DOCK3: variants seen among roughly 807,000 people sequenced by gnomAD.
DOCK3 encodes dedicator of cytokinesis 3.
Under a neutral mutation model 265.6 loss-of-function variants are expected in DOCK3, and 60 were observed. The observed-to-expected ratio is 0.23, with a 90% CI of 0.18 to 0.28. DOCK3 has a LOEUF of 0.28. Among genes scored for constraint, DOCK3 ranks in the 10% least tolerant of loss-of-function variants. The probability of loss-of-function intolerance (pLI) is 1.00; values close to 1 mark genes in which losing one functional copy is unlikely to be tolerated. For missense variants in DOCK3, 1,981 were observed against 2,594.3 expected, an observed-to-expected ratio of 0.76 and a Z score of 5.14; for synonymous variants, 881 against 938.0, an observed-to-expected ratio of 0.94 and a Z score of 1.11.
chr3:51,205,596 G>C (rs2089152641), intron 12 of DOCK3, among the ~76,000 whole-genome samples: 1 of 152,032 alleles, frequency 6.6e-6, no homozygotes, highest in South Asian at 2.1e-4. Flanking sequence ...CAGGTGCTCT[G>C]GAGACTGAGG....
At chr3:51,028,004 TG>T (rs1164451375) in intron 5 of DOCK3, among the ~76,000 whole-genome samples, 1 of 152,202 alleles carries the variant, frequency 6.6e-6, no homozygotes, top group African/African-American at 2.4e-5. Context: ...CTTTGTAGGC[TG>T]GAATGGTAGT....
chr3:51,218,994 T>C (rs1318096355), intron 14 of DOCK3, among the ~76,000 whole-genome samples: 1 of 152,146 alleles, frequency 6.6e-6, no homozygotes, highest in Non-Finnish European at 1.5e-5. Context: ...CTTATGGATG[T>C]TTTTCTCCTT....
At chr3:50,960,273 C>A (rs1189830469) in intron 5 of DOCK3, among the ~76,000 whole-genome samples, 1 of 152,120 alleles carries the variant, frequency 6.6e-6, no homozygotes, top group Non-Finnish European at 1.5e-5. Flanking sequence ...AAGAAACTTT[C>A]AAAATGTTTC....
intron 24 of DOCK3, 48 bp downstream of exon 24, chr3:51,271,055 C>T: frequency 6.4e-7 from 1 of 1,565,692 alleles, no homozygotes; most frequent in Non-Finnish European, 8.7e-7. Flanking sequence ...GGGGTGTCCT[C>T]CTTCCTTCCA....
At chr3:51,351,217 C>A (rs2085952642) in intron 40 of DOCK3, among the ~76,000 whole-genome samples, 1 of 152,146 alleles carries the variant, frequency 6.6e-6, no homozygotes, top group Non-Finnish European at 1.5e-5. Flanking sequence ...CAGTTGAGAC[C>A]TAATTGCTAA....
intron 1 of DOCK3, among the ~76,000 whole-genome samples, chr3:50,770,612 A>T (rs2041214711): frequency 6.6e-6 from 1 of 152,216 alleles, no homozygotes. Flanking sequence ...ATACGGAACC[A>T]GGAAAGACCC....
At chr3:51,354,217 A>ACCCC (rs1464213084) in intron 40 of DOCK3, among the ~76,000 whole-genome samples, 1 of 111,416 alleles carries the variant, frequency 9.0e-6, no homozygotes, top group African/African-American at 4.2e-5. Context: ...ACACTTGATC[A>ACCCC]CCACCCCCCC....
At chr3:51,043,442 G>A (rs776813810) in intron 5 of DOCK3, among the ~76,000 whole-genome samples, 5 of 152,012 alleles carry the variant, frequency 3.3e-5, no homozygotes, top group Non-Finnish European at 7.4e-5. Flanking sequence ...AACTCAAGAT[G>A]GATAAAAGAC....
In DOCK3 at chr3:50,719,937, C is replaced by T. The variant is rs771852035; in HGVS notation, c.37+44637C>T. On this transcript the variant is annotated intron_variant, in intron 1 of 52. Coordinates refer to ENST00000266037, the MANE Select transcript of DOCK3 (RefSeq NM_004947.5). The stretch of plus-strand genomic sequence containing the variant: ...AAGGAGATGCAGCCCAAGGGCGTAC[C>T]GTCCACAGTGATGTCGGGGTTCTGG... 1.4e-5 allele frequency: 7 copies of T among 511,314 alleles called. No homozygotes were observed. In the East Asian group the frequency reaches 1.5e-4, roughly 11 times the overall value. The allele number at this position is 511,314 out of a possible 1,614,324, so 31.7% of individuals were successfully genotyped here.
chr3:51,134,789 T>G (rs1337600294), intron 9 of DOCK3, among the ~76,000 whole-genome samples: 1 of 152,188 alleles, frequency 6.6e-6, no homozygotes, highest in Non-Finnish European at 1.5e-5. Context: ...TCAGTACTTA[T>G]TTCATGAGAG....
rs1319374500 is a variant in DOCK3 at position 51,359,133 on chromosome 3, C to CT, written c.4884+1056_4884+1057insT. ...CAAAAAATTCCCCCTCTAGGGATAA[C>CT]CATGGCCACAGGAGCCCTGAGGGAG... On this transcript the variant is annotated intron_variant, in intron 46 of 52. Coordinates refer to ENST00000266037, the MANE Select transcript of DOCK3 (RefSeq NM_004947.5). The surrounding 1 kb of genome is among the most constrained non-coding windows in gnomAD (Gnocchi z 4.8). Among the ~76,000 whole-genome samples the CT allele has an allele frequency of 6.6e-6, 1 of 152,210 alleles. No homozygotes were observed. Among genetic ancestry groups the CT allele is most frequent in the East Asian group, 1.9e-4 (1 of 5,200 alleles).
intron 5 of DOCK3, among the ~76,000 whole-genome samples, chr3:50,936,270 A>G (rs1308255968): frequency 6.6e-6 from 1 of 151,970 alleles, no homozygotes; most frequent in Non-Finnish European, 1.5e-5. Context: ...ATGGAGAGAA[A>G]AATAGAAAAA....
chr3:51,240,257 C>G (rs7637039), intron 21 of DOCK3, among the ~76,000 whole-genome samples: 149,297 of 152,350 alleles, frequency 0.98, 73,172 homozygotes, highest in East Asian at 1. Context: ...TTATGGTTTT[C>G]AGTGAATTTC....
At chr3:50,821,140 CTTTTTTTT>C (rs771111717) in intron 2 of DOCK3, among the ~76,000 whole-genome samples, 14 of 119,472 alleles carry the variant, frequency 1.2e-4, no homozygotes, top group Admixed American at 7.5e-4. Context: ...TTTCTTTTTT[CTTTTTTTT>C]TTTTTTTTTT....
chr3:50,816,565 C>T (rs923695007), intron 2 of DOCK3, among the ~76,000 whole-genome samples: 3 of 152,054 alleles, frequency 2.0e-5, no homozygotes, highest in Non-Finnish European at 4.4e-5. Flanking sequence ...AGGTGATCTG[C>T]CCGCCTTGGC....
intron 6 of DOCK3, among the ~76,000 whole-genome samples, chr3:51,070,012 G>T (rs560308441): frequency 3.4e-4 from 52 of 152,244 alleles, no homozygotes; most frequent in Non-Finnish European, 6.6e-4. Context: ...TCACAGTCTG[G>T]GATGTCTTGG....
chr3:50,832,418 AAC>A (rs2045238721), intron 2 of DOCK3, among the ~76,000 whole-genome samples: 1 of 152,252 alleles, frequency 6.6e-6, no homozygotes, highest in Admixed American at 6.5e-5. Flanking sequence ...CATCAGAGTG[AAC>A]AGGCAGCCTG....
chr3:51,276,616 C>T (rs1025425853), intron 25 of DOCK3, among the ~76,000 whole-genome samples: 2 of 152,080 alleles, frequency 1.3e-5, no homozygotes, highest in African/African-American at 2.4e-5. Flanking sequence ...TGGAATGGGG[C>T]AGAGTATAGT....
chr3:51,360,464 C>G (rs1000055187), intron 46 of DOCK3, 47 bp from the exon 47 acceptor site: 1 of 1,575,444 alleles, frequency 6.3e-7, no homozygotes, highest in Middle Eastern at 1.7e-4. Context: ...CCCTTAGTTA[C>G]TTATTTATTC....
Sources: allele counts gnomAD v4.1 joint callset (sites outside exome capture counted in the v4.1 genomes callset), GRCh38; gene constraint gnomAD v4.1.1; non-coding constraint Gnocchi (gnomAD v3.1); transcripts MANE v1.5; gene names NCBI Gene and HGNC (gene_info 2026-07-23, HGNC 2026-07-21).